IQCH: variants seen among roughly 807,000 people sequenced by gnomAD.
IQCH encodes the protein IQ motif containing H.
Under a neutral mutation model 117.0 loss-of-function variants are expected in IQCH, and 98 were observed. The ratio of observed to expected loss-of-function variants is 0.84; its 90% CI spans 0.71 to 0.99. The LOEUF (loss-of-function observed/expected upper bound fraction) is 0.99. IQCH is among the 50% of genes least tolerant of loss of function. IQCH has a pLI of 0.00. For synonymous variants in IQCH, 412 were observed against 448.2 expected, an observed-to-expected ratio of 0.92 and a Z score of 1.02; for missense variants, 1,102 against 1,243.8, an observed-to-expected ratio of 0.89 and a Z score of 1.72.
In IQCH at chr15:67,491,549, C is replaced by T. The variant is rs1596492228; in HGVS notation, c.2861+1485C>T. 6.6e-6 allele frequency among the ~76,000 whole-genome samples: 1 copy of T among 152,272 alleles called. No homozygotes were observed. Among genetic ancestry groups the T allele is most frequent in the Non-Finnish European group, 1.5e-5 (1 of 68,020 alleles). ...CAGTCTTCCCCCAAGATCCCATAAA[C>T]ATGCAAAACTTATTGGGTCTTGTTA... On this transcript the variant is annotated intron_variant, in intron 19 of 20. Coordinates refer to ENST00000335894, the MANE Select transcript of IQCH (RefSeq NM_001031715.3). This position sits in a 1 kb window ranked among gnomAD's most constrained non-coding sequence, Gnocchi z 4.9.
chr15:67,483,784 GC>G (rs1034046029), intron 18 of IQCH, among the ~76,000 whole-genome samples: 1 of 152,144 alleles, frequency 6.6e-6, no homozygotes, highest in Non-Finnish European at 1.5e-5. Flanking sequence ...AGGGAAGTGA[GC>G]CCCAAAAATT....
rs1186384131 is a variant in IQCH at position 67,386,101 on chromosome 15, CTT to C, written c.1456+1083_1456+1084del. Among the ~76,000 whole-genome samples the C allele has an allele frequency of 6.6e-6, 1 of 152,118 alleles. No individual in the cohort carries two copies. Among genetic ancestry groups the C allele is most frequent in the East Asian group, 1.9e-4 (1 of 5,202 alleles). On this transcript the variant is annotated intron_variant, in intron 11 of 20. Transcript: ENST00000335894. This position sits in a 1 kb window ranked among gnomAD's most constrained non-coding sequence, Gnocchi z 5.0. ...GCATTACAAAAAAAATTTTTAATGA[CTT>C]AAGATTGATTTGTTAGTGCTAAGCT... is the stretch of plus-strand genomic sequence containing the variant.
At chr15:67,323,939 C>CTTTTTT (rs530534537) in intron 4 of IQCH, among the ~76,000 whole-genome samples, 1 of 64,364 alleles carries the variant, frequency 1.6e-5, no homozygotes, top group African/African-American at 6.4e-5. Context: ...TTAAGCATTT[C>CTTTTTT]TTTTTTTTTT....
intron 18 of IQCH, among the ~76,000 whole-genome samples, chr15:67,489,433 C>T (rs1223188193): frequency 1.3e-5 from 2 of 151,910 alleles, no homozygotes; most frequent in African/African-American, 2.4e-5. Flanking sequence ...TCAAGCGATT[C>T]TCCTGCCTCA....
At chr15:67,306,740 A>G in intron 4 of IQCH, 3 of 896,950 alleles carry the variant, frequency 3.3e-6, no homozygotes, top group Non-Finnish European at 5.3e-6. Context: ...TACCAAAAAC[A>G]TATTAAAAGT....
At chr15:67,301,991 C>G (rs948466997) in intron 4 of IQCH, among the ~76,000 whole-genome samples, 1 of 152,078 alleles carries the variant, frequency 6.6e-6, no homozygotes, top group Non-Finnish European at 1.5e-5. Flanking sequence ...CAGAATTTAA[C>G]AATAGGCAGA....
intron 15 of IQCH, among the ~76,000 whole-genome samples, chr15:67,418,779 T>C (rs913337931): frequency 6.6e-6 from 1 of 152,060 alleles, no homozygotes; most frequent in Non-Finnish European, 1.5e-5. Context: ...GGTTTCACCA[T>C]GTTGGCCAGG....
rs1221025129 is a variant in IQCH at position 67,426,852 on chromosome 15, G to A, written c.2505+5275G>A. 6.6e-6 allele frequency among the ~76,000 whole-genome samples: 1 copy of A among 151,876 alleles called. No individual in the cohort carries two copies. On this transcript the variant is annotated intron_variant, in intron 16 of 20. Coordinates refer to ENST00000335894, the MANE Select transcript of IQCH (RefSeq NM_001031715.3). This position sits in a 1 kb window ranked among gnomAD's most constrained non-coding sequence, Gnocchi z 5.1. ...ATAAACAAAATTAGCCAAGCATAAT[G>A]GCACTCATCTGTGATTCCAGCTATT...
rs1443148460 is a variant in IQCH, at chr15:67,376,112, T to C, written c.1372+2679T>C. Among the ~76,000 whole-genome samples, 11 of 152,166 alleles carry C rather than the reference T, an allele frequency of 7.2e-5. No individual in the cohort carries two copies. Among genetic ancestry groups the C allele is most frequent in the Non-Finnish European group, 1.6e-4 (11 of 68,030 alleles). ...GTGCTTTGGATTTTATACAAATGACTTGTGAACATTAAATTAAGTAACAAC... is the reference window on the plus strand; with the variant it reads ...GTGCTTTGGATTTTATACAAATGACCTGTGAACATTAAATTAAGTAACAAC... On this transcript the variant is annotated intron_variant, in intron 10 of 20. Coordinates refer to ENST00000335894, the MANE Select transcript of IQCH (RefSeq NM_001031715.3). The surrounding 1 kb of genome is among the most constrained non-coding windows in gnomAD (Gnocchi z 5.0).
rs1026453763 is a variant in IQCH, at chr15:67,465,618, A to C, written c.2676+321A>C. On this transcript the variant is annotated intron_variant, in intron 17 of 20. Transcript: ENST00000335894. The surrounding 1 kb of genome is among the most constrained non-coding windows in gnomAD (Gnocchi z 5.9). ...ACAAAACCCATATTTTTCTAGCCCC[A>C]CTCTCTTTTGTGAGCTTCAGATTCA... Among the ~76,000 whole-genome samples the C allele has an allele frequency of 6.6e-6, 1 of 151,754 alleles. No homozygotes were observed. Among genetic ancestry groups the C allele is most frequent in the African/African-American group, 2.4e-5 (1 of 41,302 alleles).
At chr15:67,462,786 A>G (rs897030015) in intron 16 of IQCH, among the ~76,000 whole-genome samples, 1 of 150,150 alleles carries the variant, frequency 6.7e-6, no homozygotes, top group Non-Finnish European at 1.5e-5. Flanking sequence ...AGAAACTCTG[A>G]AAAAAAAAAG....
Position 67,279,481 on chromosome 15 carries a change from G to A in IQCH, c.356G>A (p.Ser119Asn). The A allele has an allele frequency of 6.2e-7, 1 of 1,603,616 alleles. No homozygotes were observed. The highest frequency in any genetic ancestry group is 8.5e-7 in the Non-Finnish European group (1 of 1,173,234). The change falls in exon 4 of 21, where the codon AGT (serine) becomes AAT (asparagine). Residue 119 changes from serine (S) to asparagine (N), a missense_variant. Ser to Asn is a conservative substitution (Grantham distance 46, BLOSUM62 1). Coordinates refer to ENST00000335894, the MANE Select transcript of IQCH (RefSeq NM_001031715.3). The part of the protein sequence containing the change: ...GTFWQPQRQH[S>N]SSLPVFPRAK... ...TTTTGGCAACCCCAAAGACAGCACA[G>A]TTCATCTCTGCCTGTCTTTCCAAGA...
At position 67,466,281 on chromosome 15, in the gene IQCH, A is replaced by G. The variant is rs1357164585; in HGVS notation, c.2676+984A>G. Among the ~76,000 whole-genome samples the G allele has an allele frequency of 6.6e-6, 1 of 152,188 alleles. No individual in the cohort carries two copies. The highest frequency in any genetic ancestry group is 2.4e-5 in the African/African-American group (1 of 41,448). ...TCATGGAGAGAGAGAACAAAGGCCA[A>G]GGGGACCAGATGCCCTTTGTGCAAG... On this transcript the variant is annotated intron_variant, in intron 17 of 20. Transcript: ENST00000335894. The surrounding 1 kb of genome is among the most constrained non-coding windows in gnomAD (Gnocchi z 4.4).
In IQCH at chr15:67,491,509, C is replaced by T. The variant is rs1488891679; in HGVS notation, c.2861+1445C>T. On this transcript the variant is annotated intron_variant, in intron 19 of 20. Coordinates refer to ENST00000335894, the MANE Select transcript of IQCH (RefSeq NM_001031715.3). This position sits in a 1 kb window ranked among gnomAD's most constrained non-coding sequence, Gnocchi z 4.9. Reference sequence around the variant, plus strand: ...GGAAGGGAAGCTGGCTGTTTTGAGTCCTCCCCTCCAGTTTCAGTCTTCCCC... The same window carrying T: ...GGAAGGGAAGCTGGCTGTTTTGAGTTCTCCCCTCCAGTTTCAGTCTTCCCC... Among the ~76,000 whole-genome samples the T allele has an allele frequency of 6.6e-6, 1 of 152,080 alleles. No individual in the cohort carries two copies. Among genetic ancestry groups the T allele is most frequent in the African/African-American group, 2.4e-5 (1 of 41,396 alleles).
At position 67,372,559 on chromosome 15, in the gene IQCH, T is replaced by A; in HGVS notation, c.1202T>A (p.Val401Glu). 1 of 1,613,888 alleles carries A rather than the reference T, an allele frequency of 6.2e-7. No homozygotes were observed. The highest frequency in any genetic ancestry group is 8.5e-7 in the Non-Finnish European group (1 of 1,179,908). The change falls in exon 9 of 21, where the codon GTG becomes GAG. Residue 401 changes from valine to glutamate, a missense_variant. By Grantham distance (121) the Val-to-Glu change is moderately radical. Around this residue, in one of 2 missense-constraint regions of IQCH, gnomAD observed 650 missense variants for 794.3 expected, o/e 0.82. Coordinates refer to ENST00000335894, the MANE Select transcript of IQCH (RefSeq NM_001031715.3). ...FYRQQKWASGVIAIAWLLYCH... is the reference protein window; with the variant it reads ...FYRQQKWASGEIAIAWLLYCH... Reference sequence around the variant, plus strand: ...CGCCAGCAGAAGTGGGCATCAGGTGTGATTGCCATTGCTTGGCTGTTATAT... The same window carrying A: ...CGCCAGCAGAAGTGGGCATCAGGTGAGATTGCCATTGCTTGGCTGTTATAT...
At position 67,481,445 on chromosome 15, in the gene IQCH, A is replaced by G. The variant is rs2083335873; in HGVS notation, c.2799+5627A>G. ...CACTCACTATCATGAGAACAGTGTA[A>G]GGGTAACCACCCCCATGGTTCAGTT... is the stretch of plus-strand genomic sequence containing the variant. On this transcript the variant is annotated intron_variant, in intron 18 of 20. Coordinates refer to ENST00000335894, the MANE Select transcript of IQCH (RefSeq NM_001031715.3). The surrounding 1 kb of genome is among the most constrained non-coding windows in gnomAD (Gnocchi z 4.1). Among the ~76,000 whole-genome samples, 1 of 152,170 alleles carries G rather than the reference A, an allele frequency of 6.6e-6. No individual in the cohort carries two copies. The highest frequency in any genetic ancestry group is 1.5e-5 in the Non-Finnish European group (1 of 68,034).
chr15:67,436,684 G>A lies in IQCH; in HGVS notation c.2505+15107G>A, dbSNP rs908511599. Among the ~76,000 whole-genome samples, 3 of 152,178 alleles carry A rather than the reference G, an allele frequency of 2.0e-5. No individual in the cohort carries two copies. The highest frequency in any genetic ancestry group is 4.8e-5 in the African/African-American group (2 of 41,438). ...TTCAAGCCCGTCTTGCCCTCTGCCT[G>A]GAAAGAGACTCGGGGCTGTTGTGGA... On this transcript the variant is annotated intron_variant, in intron 16 of 20. Transcript: ENST00000335894. This position sits in a 1 kb window ranked among gnomAD's most constrained non-coding sequence, Gnocchi z 5.1.
chr15:67,488,327 A>G (rs2083549748), intron 18 of IQCH, among the ~76,000 whole-genome samples: 1 of 152,212 alleles, frequency 6.6e-6, no homozygotes. Context: ...TCCAAAACAC[A>G]AAACAAACAA....
intron 16 of IQCH, among the ~76,000 whole-genome samples, chr15:67,446,022 G>C (rs903930301): frequency 6.6e-6 from 1 of 152,144 alleles, no homozygotes; most frequent in Non-Finnish European, 1.5e-5. Context: ...ACTAAGTTCC[G>C]AAGTCAAATA....
Sources: gnomAD v4.1 joint callset for allele counts (sites outside exome capture counted in the v4.1 genomes callset) on GRCh38, gnomAD v4.1.1 for gene constraint, gnomAD v4.1.1 regional missense constraint, Gnocchi (gnomAD v3.1) non-coding constraint, MANE v1.5 for transcripts, NCBI Gene and HGNC (gene_info 2026-07-23, HGNC 2026-07-21) for gene names.